The following PPP1R9A variants were observed in gnomAD, a reference collection of about 807,000 sequenced individuals.
The protein encoded by PPP1R9A is protein phosphatase 1 regulatory subunit 9A.
Under a neutral mutation model 141.9 loss-of-function variants are expected in PPP1R9A, and 59 were observed. The ratio of observed to expected loss-of-function variants is 0.42; its 90% CI spans 0.34 to 0.52. The LOEUF is 0.52. Among genes scored for constraint, PPP1R9A ranks in the 20% least tolerant of loss-of-function variants. PPP1R9A has a pLI of 0.10. For synonymous variants in PPP1R9A, 500 were observed against 569.7 expected (o/e 0.88, Z 1.74); for missense variants, 1,444 against 1,611.9 (o/e 0.90, Z 1.78).
chr7:95,023,222 G>A (rs868566597), intron 2 of PPP1R9A, among the ~76,000 whole-genome samples: 2 of 152,014 alleles, frequency 1.3e-5, no homozygotes, highest in South Asian at 2.1e-4. Flanking sequence ...TGTATGTGTC[G>A]AGAAATTTAT....
chr7:94,939,578 A>G (rs1226643293), intron 2 of PPP1R9A, among the ~76,000 whole-genome samples: 1 of 152,012 alleles, frequency 6.6e-6, no homozygotes, highest in Non-Finnish European at 1.5e-5. Flanking sequence ...AGTGGACTTT[A>G]TATAGTGCTT....
intron 2 of PPP1R9A, among the ~76,000 whole-genome samples, chr7:95,108,381 G>A (rs1819949346): frequency 7.0e-6 from 1 of 143,006 alleles, no homozygotes; most frequent in South Asian, 2.2e-4. Context: ...TGGCGCGGGA[G>A]CTCACTGCAA....
chr7:95,181,426 G>C (rs911665284), intron 5 of PPP1R9A, among the ~76,000 whole-genome samples: 1 of 132,966 alleles, frequency 7.5e-6, no homozygotes. Context: ...ATAGAATATA[G>C]AGAATATATA....
chr7:94,943,525 A>G (rs1795563516), intron 2 of PPP1R9A, among the ~76,000 whole-genome samples: 1 of 152,192 alleles, frequency 6.6e-6, no homozygotes. Flanking sequence ...GTCAACTTTG[A>G]TTAGGTCTGT....
intron 4 of PPP1R9A, among the ~76,000 whole-genome samples, chr7:95,123,218 A>G (rs1402820304): frequency 3.9e-5 from 6 of 152,190 alleles, no homozygotes; most frequent in Non-Finnish European, 5.9e-5. Context: ...ATTATTTATA[A>G]CTACATTAGA....
chr7:95,193,716 ATAAT>A (rs1188390253), intron 5 of PPP1R9A, among the ~76,000 whole-genome samples: 1 of 152,086 alleles, frequency 6.6e-6, no homozygotes, highest in Non-Finnish European at 1.5e-5. Flanking sequence ...CTATTTAAAA[ATAAT>A]TTTCTGCTTT....
chr7:94,950,252 CTTAGCTGGGAATAGTTGACTAG>C (rs1796327776), intron 2 of PPP1R9A, among the ~76,000 whole-genome samples: 1 of 152,108 alleles, frequency 6.6e-6, no homozygotes, highest in African/African-American at 2.4e-5. Flanking sequence ...ACCTGAATTG[CTTAGCTGGGAATAGTTGACTAG>C]GCCAGCTCTT....
At chr7:95,224,521 A>G (rs1447343179) in intron 7 of PPP1R9A, among the ~76,000 whole-genome samples, 1 of 152,128 alleles carries the variant, frequency 6.6e-6, no homozygotes, top group Non-Finnish European at 1.5e-5. Flanking sequence ...ATTTAGAGAA[A>G]TGTGGAAAAG....
intron 7 of PPP1R9A, among the ~76,000 whole-genome samples, chr7:95,215,896 C>A (rs1355442889): frequency 6.6e-6 from 1 of 152,220 alleles, no homozygotes; most frequent in East Asian, 1.9e-4. Context: ...GAGTAGATTG[C>A]AAAAATTTTC....
intron 2 of PPP1R9A, among the ~76,000 whole-genome samples, chr7:94,934,752 CAT>C (rs1189412759): frequency 3.3e-5 from 5 of 150,908 alleles, no homozygotes; most frequent in African/African-American, 1.2e-4. Flanking sequence ...CGTCTATATA[CAT>C]ATATATGTGT....
At chr7:95,226,581 G>A (rs969993905) in intron 8 of PPP1R9A, among the ~76,000 whole-genome samples, 1 of 152,164 alleles carries the variant, frequency 6.6e-6, no homozygotes, top group Admixed American at 6.6e-5. Context: ...GTACTAACAA[G>A]GGGTGGTGAA....
intron 8 of PPP1R9A, among the ~76,000 whole-genome samples, chr7:95,240,046 T>C (rs1033344305): frequency 1.3e-5 from 2 of 152,090 alleles, no homozygotes; most frequent in African/African-American, 4.8e-5. Flanking sequence ...TTCATTCTTA[T>C]ATTCTGAATT....
intron 16 of PPP1R9A, 63 bp downstream of exon 16, chr7:95,274,231 A>G (rs991486013): frequency 4.5e-5 from 62 of 1,381,676 alleles, no homozygotes; most frequent in Admixed American, 3.2e-4. Context: ...CCCCTCTTCT[A>G]TTGTTAACCA....
intron 2 of PPP1R9A, among the ~76,000 whole-genome samples, chr7:94,935,885 C>G (rs1389379992): frequency 6.6e-6 from 1 of 152,150 alleles, no homozygotes; most frequent in African/African-American, 2.4e-5. Flanking sequence ...CTGAATCAGC[C>G]TGGATTATAA....
intron 12 of PPP1R9A, among the ~76,000 whole-genome samples, chr7:95,253,854 A>G (rs1369245767): frequency 6.6e-6 from 1 of 152,060 alleles, no homozygotes; most frequent in Non-Finnish European, 1.5e-5. Context: ...ATTATAGTTT[A>G]TATATAATAA....
At chr7:94,912,039 TTGG>T (rs1271163388) in intron 2 of PPP1R9A, among the ~76,000 whole-genome samples, 2 of 152,140 alleles carry the variant, frequency 1.3e-5, no homozygotes, top group Non-Finnish European at 1.5e-5. Flanking sequence ...GTACTGCTAG[TTGG>T]TGGTGAAAAT....
rs559837799 is a variant in PPP1R9A at position 95,023,393 on chromosome 7, C to T, written c.1396-87866C>T. ...TTTTCTTCTTTATTAGTCTGGCTAGCGGTCTATTTTGTTGATCTTTTCAAA... is the reference window on the plus strand; with the variant it reads ...TTTTCTTCTTTATTAGTCTGGCTAGTGGTCTATTTTGTTGATCTTTTCAAA... On this transcript the variant is annotated intron_variant, in intron 2 of 19. Transcript: ENST00000433360. 8.6e-5 allele frequency among the ~76,000 whole-genome samples: 13 copies of T among 151,966 alleles called. No homozygotes were observed. The South Asian group carries it at 1.2e-3, about 15-fold the overall frequency.
intron 2 of PPP1R9A, among the ~76,000 whole-genome samples, chr7:94,981,827 A>C (rs948864665): frequency 1.3e-5 from 2 of 151,904 alleles, no homozygotes; most frequent in African/African-American, 4.8e-5. Flanking sequence ...AATTTAATTT[A>C]ATTTTTTTTA....
At chr7:95,080,845 T>A (rs1815702653) in intron 2 of PPP1R9A, among the ~76,000 whole-genome samples, 1 of 152,212 alleles carries the variant, frequency 6.6e-6, no homozygotes, top group Non-Finnish European at 1.5e-5. Flanking sequence ...GTAGATGTTA[T>A]AACAGGTTCA....
Sources: gnomAD v4.1 joint callset for allele counts (sites outside exome capture counted in the v4.1 genomes callset) on GRCh38, gnomAD v4.1.1 for gene constraint, MANE v1.5 for transcripts, NCBI Gene and HGNC (gene_info 2026-07-23, HGNC 2026-07-21) for gene names.